The following TP63 variants were observed in gnomAD, a reference collection of about 807,000 sequenced individuals.
The protein encoded by TP63 is tumor protein p63, also known as tumor protein 63.
TP63 carries 17 observed loss-of-function variants against 82.8 expected under a neutral mutation model. The observed-to-expected ratio is 0.21, with a 90% CI of 0.14 to 0.31. The LOEUF is 0.31. Among genes scored for constraint, TP63 ranks in the 10% least tolerant of loss-of-function variants. The probability of loss-of-function intolerance (pLI) is 1.00; values close to 1 mark genes in which losing one functional copy is unlikely to be tolerated. For synonymous variants in TP63, 330 were observed against 321.7 expected (o/e 1.03, Z -0.28); for missense variants, 648 against 895.3 (o/e 0.72, Z 3.52).
chr3:189,849,958 A>C (rs1201284268), intron 4 of TP63, among the ~76,000 whole-genome samples: 3 of 152,140 alleles, frequency 2.0e-5, no homozygotes, highest in Non-Finnish European at 2.9e-5. Flanking sequence ...TACTCATAAT[A>C]ATTTATGTAT....
chr3:189,687,899 T>G (rs148799881), intron 1 of TP63, among the ~76,000 whole-genome samples: 1 of 152,182 alleles, frequency 6.6e-6, no homozygotes, highest in African/African-American at 2.4e-5. Flanking sequence ...AGCAAACAGT[T>G]GGAGATCCTT....
the TP63 span, among the ~76,000 whole-genome samples, chr3:189,599,575 T>C: frequency 6.6e-6 from 1 of 152,200 alleles, no homozygotes; most frequent in African/African-American, 2.4e-5. Context: ...AGCAACAGGA[T>C]AGTAGCAGTG....
Position 189,867,919 on chromosome 3 carries a change from C to A in TP63, c.969C>A (p.Ile323=). 6.2e-7 allele frequency: 1 copy of A among 1,613,934 alleles called. No homozygotes were observed. The highest frequency in any genetic ancestry group is 1.1e-5 in the South Asian group (1 of 91,056). The change falls in exon 7 of 14, where the codon ATC becomes ATA. Residue 323 remains isoleucine, a synonymous_variant. Coordinates refer to ENST00000264731, the MANE Select transcript of TP63 (RefSeq NM_003722.5). ...VGGMNRRPIL[I]IVTLETRDGQ... The stretch of plus-strand genomic sequence containing the variant: ...GGATGAACCGCCGTCCAATTTTAAT[C>A]ATTGTTACTCTGGAAACCAGAGAGT...
At chr3:189,810,184 C>T (rs545582714) in intron 4 of TP63, among the ~76,000 whole-genome samples, 20 of 152,204 alleles carry the variant, frequency 1.3e-4, no homozygotes, top group Middle Eastern at 3.4e-3. Context: ...ATTCTGGAGG[C>T]GATGGATACT....
chr3:189,866,610 C>A, intron 5 of TP63, 72 bp from the exon 6 acceptor site: 1 of 1,356,872 alleles, frequency 7.4e-7, no homozygotes, highest in Non-Finnish European at 1.0e-6. Context: ...ACATCCTGTT[C>A]ATGCAATTTC....
rs1392369842 is a variant in TP63, at chr3:189,651,183, A to G, written c.62+19606A>G. On this transcript the variant is annotated intron_variant, in intron 1 of 13. Transcript: ENST00000264731. ...CTAGCAGAAGAAATTTCTAACTGGCAAAGTGTCCAAGAGGAAGCAGAACAT... is the reference window on the plus strand; with the variant it reads ...CTAGCAGAAGAAATTTCTAACTGGCGAAGTGTCCAAGAGGAAGCAGAACAT... Among the ~76,000 whole-genome samples the G allele has an allele frequency of 1.4e-5, 2 of 147,190 alleles. 1 individual carries two copies. The highest frequency in any genetic ancestry group is 4.7e-4 in the East Asian group (2 of 4,242).
At chr3:189,747,415 G>A (rs1002222446) in intron 3 of TP63, among the ~76,000 whole-genome samples, 18 of 151,840 alleles carry the variant, frequency 1.2e-4, no homozygotes, top group African/African-American at 4.3e-4. Context: ...AGACAACAAT[G>A]GGATAAAACT....
intron 1 of TP63, among the ~76,000 whole-genome samples, chr3:189,717,403 G>C (rs1407881805): frequency 6.6e-6 from 1 of 152,056 alleles, no homozygotes; most frequent in African/African-American, 2.4e-5. Context: ...TGTAACTTTT[G>C]ACAAACACAA....
At chr3:189,824,925 G>A (rs73199738) in intron 4 of TP63, among the ~76,000 whole-genome samples, 14,371 of 152,144 alleles carry the variant, frequency 0.094, 902 homozygotes, top group Middle Eastern at 0.18. Context: ...TCAGACAGCA[G>A]CATTTTAGAA....
chr3:189,712,763 G>C (rs1004798574), intron 1 of TP63, among the ~76,000 whole-genome samples: 4 of 150,792 alleles, frequency 2.7e-5, no homozygotes, highest in African/African-American at 4.9e-5. Flanking sequence ...TTGAAAGACA[G>C]AGTAGGCAAA....
chr3:189,774,818 A>G lies in TP63; in HGVS notation c.325-33454A>G, dbSNP rs80355375. The stretch of plus-strand genomic sequence containing the variant: ...AATAGGGCATCAGATACAGCAAATC[A>G]TCTGTTACTATGAAGTACTGTACAA... On this transcript the variant is annotated intron_variant, in intron 3 of 13. Coordinates refer to ENST00000264731, the MANE Select transcript of TP63 (RefSeq NM_003722.5). Among the ~76,000 whole-genome samples the G allele has an allele frequency of 5.3e-3, 808 of 152,332 alleles. 10 individuals carry two copies. Among genetic ancestry groups the G allele is most frequent in the African/African-American group, 0.019 (771 of 41,568 alleles).
At chr3:189,818,787 T>TA (rs940743916) in intron 4 of TP63, among the ~76,000 whole-genome samples, 9 of 152,304 alleles carry the variant, frequency 5.9e-5, no homozygotes, top group African/African-American at 1.9e-4. Context: ...TCCTGCCTGA[T>TA]ACCCCACTCC....
chr3:189,889,221 T>A, intron 11 of TP63, 119 bp from the exon 12 acceptor site: 1 of 1,460,028 alleles, frequency 6.8e-7, no homozygotes, highest in Non-Finnish European at 9.6e-7. Context: ...GAGCGAAGAT[T>A]AAAAAGGAAG....
chr3:189,739,062 C>T (rs1351284700), intron 3 of TP63, among the ~76,000 whole-genome samples: 10 of 152,090 alleles, frequency 6.6e-5, no homozygotes, highest in Admixed American at 6.5e-4. Context: ...AAGATGGTAC[C>T]AGCTCAAGGC....
chr3:189,649,439 A>G (rs1459119426), intron 1 of TP63, among the ~76,000 whole-genome samples: 3 of 146,828 alleles, frequency 2.0e-5, no homozygotes, highest in Non-Finnish European at 4.5e-5. Context: ...GCGTGGACAC[A>G]GAAATGGAAA....
At chr3:189,640,520 A>G (rs1287692453) in intron 1 of TP63, among the ~76,000 whole-genome samples, 3 of 152,160 alleles carry the variant, frequency 2.0e-5, no homozygotes, top group Non-Finnish European at 2.9e-5. Flanking sequence ...AGTCACACTG[A>G]CACACTTTTT....
At position 189,770,564 on chromosome 3, in the gene TP63, C is replaced by CAA. The variant is rs11417534; in HGVS notation, c.324+31802_324+31803dup. On this transcript the variant is annotated intron_variant, in intron 3 of 13. Transcript: ENST00000264731. ...TGGCCAACAGAGCAAGACTCCGTCT[C>CAA]AAAAAAAAAAAAATTACTTTGACAT... 7.1e-4 allele frequency among the ~76,000 whole-genome samples: 102 copies of CAA among 142,946 alleles called. 1 individual carries two copies. Among genetic ancestry groups the CAA allele is most frequent in the African/African-American group, 1.9e-3 (73 of 39,454 alleles). The allele number at this position is 142,946 out of a possible 152,430, so 93.8% of individuals were successfully genotyped here. A position where few individuals can be genotyped will look rare whatever the true frequency, so the allele number is the denominator to read the frequency against.
At position 189,896,340 on chromosome 3, in the gene TP63, T is replaced by A. The variant is rs1328093963; in HGVS notation, c.*1838T>A. On this transcript the variant is annotated 3_prime_UTR_variant, in exon 14 of 14. Transcript: ENST00000264731. ...ATTTCCAGAACCACACTTGAAACCT[T>A]TTTTTATCGTTTTTGTATTTTCATG... The A allele has an allele frequency of 4.8e-6, 1 of 207,558 alleles. No individual in the cohort carries two copies. The highest frequency in any genetic ancestry group is 2.3e-5 in the African/African-American group (1 of 43,538). 12.9% of individuals were successfully genotyped at this position (207,558 alleles called of 1,614,324 possible). A position where few individuals can be genotyped will look rare whatever the true frequency, so the allele number is the denominator to read the frequency against.
chr3:189,759,608 C>G (rs1345197475), intron 3 of TP63, among the ~76,000 whole-genome samples: 1 of 152,086 alleles, frequency 6.6e-6, no homozygotes, highest in African/African-American at 2.4e-5. Flanking sequence ...CAAATTGAAG[C>G]TAAGGGCTCA....
Sources: gnomAD v4.1 joint callset for allele counts (sites outside exome capture counted in the v4.1 genomes callset) on GRCh38, gnomAD v4.1.1 for gene constraint, MANE v1.5 for transcripts, NCBI Gene and HGNC (gene_info 2026-07-23, HGNC 2026-07-21) for gene names.